RSPO2: variants seen among roughly 807,000 people sequenced by gnomAD.
The protein encoded by RSPO2 is R-spondin 2, also known as R-spondin-2.
In RSPO2, 14 loss-of-function variants were observed where a neutral mutation model predicts 30.9. The ratio of observed to expected loss-of-function variants is 0.45; its 90% confidence interval spans 0.30 to 0.71. RSPO2 has a LOEUF of 0.71. Among genes scored for constraint, RSPO2 ranks in the 30% least tolerant of loss-of-function variants. RSPO2 has a pLI of 0.08. For synonymous variants in RSPO2, 107 were observed against 96.4 expected, an observed-to-expected ratio of 1.11 and a Z score of -0.64; for missense variants, 264 against 301.9, an observed-to-expected ratio of 0.87 and a Z score of 0.93.
intron 2 of RSPO2, among the ~76,000 whole-genome samples, chr8:108,029,125 A>G (rs980919137): frequency 1.2e-4 from 15 of 124,878 alleles, no homozygotes; most frequent in Non-Finnish European, 2.1e-4. Context: ...ATCAGGGATT[A>G]GCAAACTACA....
chr8:107,956,429 T>A (rs981223640), intron 5 of RSPO2, among the ~76,000 whole-genome samples: 3 of 152,200 alleles, frequency 2.0e-5, no homozygotes, highest in African/African-American at 7.2e-5. Context: ...TAAGCATTTG[T>A]TTTGGCGTAA....
intron 5 of RSPO2, among the ~76,000 whole-genome samples, chr8:107,939,233 G>A (rs545945781): frequency 1.3e-5 from 2 of 151,786 alleles, no homozygotes; most frequent in African/African-American, 4.8e-5. Flanking sequence ...ATTTTCTGCA[G>A]AATGTTTCAG....
intron 2 of RSPO2, among the ~76,000 whole-genome samples, chr8:108,072,492 A>ATTTTT (rs71308776): frequency 2.0e-4 from 24 of 122,632 alleles, no homozygotes; most frequent in African/African-American, 6.7e-4. Flanking sequence ...AGCCCGGCTA[A>ATTTTT]TTTTTTTTTT....
intron 5 of RSPO2, among the ~76,000 whole-genome samples, chr8:107,950,817 C>G (rs1462327982): frequency 4.0e-5 from 6 of 150,604 alleles, no homozygotes; most frequent in African/African-American, 1.5e-4. Flanking sequence ...TTAACTACTT[C>G]TGTATGATGA....
intron 5 of RSPO2, among the ~76,000 whole-genome samples, chr8:107,955,165 C>A (rs1198810863): frequency 6.6e-6 from 1 of 152,130 alleles, no homozygotes; most frequent in African/African-American, 2.4e-5. Context: ...TCCTGGCCTT[C>A]CAAGTCTCTT....
chr8:107,924,187 G>A (rs1357912411), intron 5 of RSPO2, among the ~76,000 whole-genome samples: 1 of 151,992 alleles, frequency 6.6e-6, no homozygotes, highest in Non-Finnish European at 1.5e-5. Flanking sequence ...ACTAAAGGGA[G>A]CATCTGAAGA....
intron 2 of RSPO2, among the ~76,000 whole-genome samples, chr8:108,072,100 G>A (rs1234210112): frequency 1.3e-5 from 2 of 152,056 alleles, no homozygotes; most frequent in Non-Finnish European, 2.9e-5. Context: ...CCTATGATTC[G>A]GTTAAACTTC....
chr8:107,983,923 T>C (rs1814537388), intron 3 of RSPO2: 2 of 1,162,310 alleles, frequency 1.7e-6, no homozygotes, highest in African/African-American at 3.1e-5. Flanking sequence ...CAGAACTTCC[T>C]CTTATGGAGC....
intron 2 of RSPO2, among the ~76,000 whole-genome samples, chr8:107,999,484 G>A (rs983709212): frequency 2.6e-5 from 4 of 152,136 alleles, no homozygotes; most frequent in African/African-American, 9.7e-5. Context: ...GCCCAGGTTG[G>A]AGCGCAGTGG....
chr8:107,984,355 T>C (rs564169380), intron 3 of RSPO2, among the ~76,000 whole-genome samples: 2 of 152,354 alleles, frequency 1.3e-5, no homozygotes, highest in East Asian at 3.9e-4. Flanking sequence ...CTAAATAATA[T>C]GGTGGCCGGA....
At chr8:108,035,250 C>A (rs1219712563) in intron 2 of RSPO2, among the ~76,000 whole-genome samples, 4 of 152,134 alleles carry the variant, frequency 2.6e-5, no homozygotes, top group Non-Finnish European at 5.9e-5. Flanking sequence ...AGTAAGCCAC[C>A]AGGTAAGAAC....
chr8:107,938,631 G>A (rs564133534), intron 5 of RSPO2, among the ~76,000 whole-genome samples: 40 of 152,136 alleles, frequency 2.6e-4, no homozygotes, highest in Non-Finnish European at 5.3e-4. Context: ...GTAAAAAGGA[G>A]TCCCTCCCAA....
Position 107,958,100 on chromosome 8 carries a change from G to T in RSPO2, c.596C>A (p.Thr199Lys). 1 of 1,613,322 alleles carries T rather than the reference G, an allele frequency of 6.2e-7. No individual in the cohort carries two copies. Among genetic ancestry groups the T allele is most frequent in the South Asian group, 1.1e-5 (1 of 91,036 alleles). ...CCTACCTCCTGGACAATGCCTCATT[G>T]TCATCTTGCATCTCCTGGATTCAGC... The part of the protein sequence containing the change: ...TIAESRRCKM[T>K]MRHCPGGKRT... The change falls in exon 5 of 6, where the codon ACA becomes AAA. Residue 199 changes from threonine (T) to lysine (K), a missense_variant. Physicochemically the swap from Thr to Lys is moderately conservative, Grantham distance 78 (BLOSUM62 -1). Coordinates refer to ENST00000276659, the MANE Select transcript of RSPO2 (RefSeq NM_178565.5).
At chr8:107,962,315 A>G (rs1586581885) in intron 3 of RSPO2, among the ~76,000 whole-genome samples, 2 of 152,334 alleles carry the variant, frequency 1.3e-5, no homozygotes, top group Non-Finnish European at 1.5e-5. Flanking sequence ...TAGATCACAT[A>G]AGAAATAACT....
chr8:107,918,034 G>A (rs1488434415), intron 5 of RSPO2, among the ~76,000 whole-genome samples: 1 of 152,112 alleles, frequency 6.6e-6, no homozygotes, highest in African/African-American at 2.4e-5. Context: ...AGACTTTTGG[G>A]ACTCTCATGG....
At chr8:107,955,795 G>A (rs1417020280) in intron 5 of RSPO2, among the ~76,000 whole-genome samples, 1 of 152,156 alleles carries the variant, frequency 6.6e-6, no homozygotes, top group African/African-American at 2.4e-5. Flanking sequence ...GCTTTAGTGT[G>A]AAGGAGCTTA....
chr8:108,059,641 G>C (rs1360660134), intron 2 of RSPO2, among the ~76,000 whole-genome samples: 2 of 147,286 alleles, frequency 1.4e-5, no homozygotes, highest in Non-Finnish European at 3.0e-5. Context: ...AGAAAATGTG[G>C]CACATATACA....
intron 2 of RSPO2, among the ~76,000 whole-genome samples, chr8:108,080,614 G>A (rs1020458278): frequency 3.3e-5 from 5 of 152,164 alleles, no homozygotes; most frequent in African/African-American, 4.8e-5. Flanking sequence ...TATCCCTTCT[G>A]GCCGCAGGAG....
rs549297546 is a variant in RSPO2, at chr8:108,068,569, T to C, written c.94+13976A>G. Among the ~76,000 whole-genome samples the C allele has an allele frequency of 3.9e-5, 6 of 152,294 alleles. No homozygotes were observed. The South Asian group carries it at 1.0e-3, about 26-fold the overall frequency. ...GGTTGCATTGTGTACTCAAAGAAGA[T>C]ATGTTGAAGTCCTAATTCTCAGTGC... On this transcript the variant is annotated intron_variant, in intron 2 of 5. Coordinates refer to ENST00000276659, the MANE Select transcript of RSPO2 (RefSeq NM_178565.5).
Sources: gnomAD v4.1 joint callset for allele counts (sites outside exome capture counted in the v4.1 genomes callset) on GRCh38, gnomAD v4.1.1 for gene constraint, MANE v1.5 for transcripts, NCBI Gene and HGNC (gene_info 2026-07-23, HGNC 2026-07-21) for gene names.